Variants in PRUNE2 observed in about 807,000 individuals in gnomAD.
The protein encoded by PRUNE2 is protein prune homolog 2.
PRUNE2 carries 164 observed loss-of-function variants against 252.0 expected under a neutral mutation model. That is an observed-to-expected ratio of 0.65 (90% CI 0.57 to 0.74). PRUNE2 has a LOEUF of 0.74. Among genes scored for constraint, PRUNE2 ranks in the 30% least tolerant of loss-of-function variants. The pLI, the probability that PRUNE2 is intolerant of heterozygous loss-of-function variation, is 0.00. For missense variants in PRUNE2, 3,495 were observed against 3,711.0 expected (o/e 0.94, Z 1.51); for synonymous variants, 1,292 against 1,350.2 (o/e 0.96, Z 0.94).
At chr9:76,719,953 TA>T (rs1243768650) in intron 6 of PRUNE2, among the ~76,000 whole-genome samples, 1 of 152,186 alleles carries the variant, frequency 6.6e-6, no homozygotes, top group Non-Finnish European at 1.5e-5. Context: ...AGCCTAGAAA[TA>T]TATCCTAACG....
intron 16 of PRUNE2, among the ~76,000 whole-genome samples, chr9:76,625,965 G>T (rs2132182128): frequency 6.6e-6 from 1 of 152,254 alleles, no homozygotes; most frequent in Middle Eastern, 3.4e-3. Context: ...GAAAATATGT[G>T]TATTAGATAA....
chr9:76,879,874 C>T (rs2061663058), intron 1 of PRUNE2, among the ~76,000 whole-genome samples: 1 of 124,820 alleles, frequency 8.0e-6, no homozygotes, highest in African/African-American at 3.3e-5. Context: ...AGAAAGAGGC[C>T]TGTCATATAT....
intron 6 of PRUNE2, among the ~76,000 whole-genome samples, chr9:76,816,983 C>T (rs2057735314): frequency 6.6e-6 from 1 of 152,092 alleles, no homozygotes; most frequent in South Asian, 2.1e-4. Context: ...TATCAGGCAC[C>T]AATAATTAGC....
In PRUNE2 at chr9:76,781,821, G is replaced by A. The variant is rs115038994; in HGVS notation, c.756+41811C>T. Among the ~76,000 whole-genome samples, 763 of 152,304 alleles carry A rather than the reference G, an allele frequency of 5.0e-3. 4 individuals carry two copies. Among genetic ancestry groups the A allele is most frequent in the African/African-American group, 0.017 (725 of 41,570 alleles). On this transcript the variant is annotated intron_variant, in intron 6 of 18. Coordinates refer to ENST00000376718, the MANE Select transcript of PRUNE2 (RefSeq NM_015225.3). ...GTCTTGGTATTTCACCTTTCATCCT[G>A]CTGGACTCTAATTTCCTATAACCAA...
chr9:76,686,151 T>G (rs1394370093), intron 9 of PRUNE2, among the ~76,000 whole-genome samples: 1 of 152,274 alleles, frequency 6.6e-6, no homozygotes, highest in Non-Finnish European at 1.5e-5. Context: ...TTTCTATGTC[T>G]TCACTGTATA....
intron 9 of PRUNE2, among the ~76,000 whole-genome samples, chr9:76,701,732 T>A (rs552307526): frequency 6.6e-6 from 1 of 152,228 alleles, no homozygotes; most frequent in Non-Finnish European, 1.5e-5. Flanking sequence ...TGCACTTGGC[T>A]AATCCTCAAC....
Position 76,644,858 on chromosome 9 carries a change from T to A in PRUNE2, c.8609A>T (p.Tyr2870Phe), listed in dbSNP as rs1844142160. 1.9e-6 allele frequency: 3 copies of A among 1,613,924 alleles called. No homozygotes were observed. The South Asian group carries it at 3.3e-5, about 18-fold the overall frequency. ...GTCCTCCCGTTCCTCTTCGGCCGTA[T>A]ATTCTGGAATAGACTCTGACTCTTG... ...SGQESESIPE[Y>F]TAEEEREDNR... Residue 2870 changes from tyrosine to phenylalanine, a missense_variant, in exon 12 of 19, where the codon TAT (tyrosine) becomes TTT (phenylalanine). Coordinates refer to ENST00000376718, the MANE Select transcript of PRUNE2 (RefSeq NM_015225.3).
chr9:76,636,436 G>C, intron 15 of PRUNE2, 35 bp downstream of exon 15: 1 of 1,116,254 alleles, frequency 9.0e-7, no homozygotes, highest in Non-Finnish European at 1.3e-6. Flanking sequence ...AAAACTACTA[G>C]TAGTACTTTT....
chr9:76,866,789 C>T (rs983043731), intron 1 of PRUNE2, among the ~76,000 whole-genome samples: 4 of 150,278 alleles, frequency 2.7e-5, no homozygotes, highest in African/African-American at 9.8e-5. Context: ...AGAGAAAGAG[C>T]GAGAGAGAAT....
At chr9:76,889,234 G>C (rs2062306558) in intron 1 of PRUNE2, among the ~76,000 whole-genome samples, 1 of 152,134 alleles carries the variant, frequency 6.6e-6, no homozygotes. Flanking sequence ...AAAAGCATAA[G>C]GGATATGAAG....
chr9:76,785,842 T>C lies in PRUNE2; in HGVS notation c.756+37790A>G, dbSNP rs569301296. ...CATGTTTTCAAATGGCACTATGAGCTGCCAATGATGTATCACCACCATATC... is the reference window on the plus strand; with the variant it reads ...CATGTTTTCAAATGGCACTATGAGCCGCCAATGATGTATCACCACCATATC... On this transcript the variant is annotated intron_variant, in intron 6 of 18. Transcript: ENST00000376718. The C allele has an allele frequency of 6.6e-5, 10 of 152,260 alleles. No individual in the cohort carries two copies. In the East Asian group the frequency reaches 1.9e-3, roughly 29 times the overall value. The allele number at this position is 152,260 out of a possible 1,614,324, so 9.4% of individuals were successfully genotyped here.
chr9:76,627,625 C>T (rs1162820528), intron 16 of PRUNE2, among the ~76,000 whole-genome samples: 1 of 152,022 alleles, frequency 6.6e-6, no homozygotes, highest in African/African-American at 2.4e-5. Context: ...TGTGTTCACG[C>T]CCGATATTGC....
chr9:76,841,870 G>A (rs1473491100), intron 4 of PRUNE2, among the ~76,000 whole-genome samples: 1 of 152,176 alleles, frequency 6.6e-6, no homozygotes, highest in Non-Finnish European at 1.5e-5. Flanking sequence ...TGTGGGAGCA[G>A]CTTCAGCAGA....
chr9:76,641,658 A>G (rs1842641751), intron 12 of PRUNE2, among the ~76,000 whole-genome samples: 1 of 152,116 alleles, frequency 6.6e-6, no homozygotes, highest in Admixed American at 6.5e-5. Flanking sequence ...GGTTTTTAAA[A>G]CATTTCTTTC....
chr9:76,615,018 A>G, intron 18 of PRUNE2: 5 of 792,610 alleles, frequency 6.3e-6, no homozygotes, highest in Non-Finnish European at 7.7e-6. Flanking sequence ...AGCACTAAAT[A>G]GTAAGAAATG....
At chr9:76,683,632 T>C (rs917033871) in intron 9 of PRUNE2, among the ~76,000 whole-genome samples, 1 of 152,146 alleles carries the variant, frequency 6.6e-6, no homozygotes, top group African/African-American at 2.4e-5. Flanking sequence ...AACTCCCATA[T>C]AAAGGAAGTG....
chr9:76,837,244 C>A (rs191489144), intron 4 of PRUNE2, among the ~76,000 whole-genome samples: 39 of 152,084 alleles, frequency 2.6e-4, no homozygotes, highest in South Asian at 1.0e-3. Context: ...GCGATTGAGA[C>A]CATCCTGGCC....
intron 6 of PRUNE2, among the ~76,000 whole-genome samples, chr9:76,797,219 T>TTA (rs1229168412): frequency 6.6e-6 from 1 of 152,118 alleles, no homozygotes; most frequent in Non-Finnish European, 1.5e-5. Flanking sequence ...ATTTCATTAG[T>TTA]TATAGTTTCT....
rs200626250 is a variant in PRUNE2 at position 76,705,302 on chromosome 9, T to C, written c.6972A>G (p.Leu2324=). 113 of 1,614,036 alleles carry C rather than the reference T, an allele frequency of 7.0e-5. No individual in the cohort carries two copies. The East Asian group carries it at 2.5e-3, about 35-fold the overall frequency. ...CTGGCGTTTCCGGATGGCCTTCGGA[T>C]AATGTCAGTTTACTCATGTCATCTA... The part of the protein sequence containing the change: ...GTIDDMSKLT[L]SEGHPETPVD... The change falls in exon 8 of 19, where the codon TTA becomes TTG. Residue 2324 remains leucine (L), a synonymous_variant. Transcript: ENST00000376718.
Sources: gnomAD v4.1 joint callset for allele counts (sites outside exome capture counted in the v4.1 genomes callset) on GRCh38, gnomAD v4.1.1 for gene constraint, MANE v1.5 for transcripts, NCBI Gene and HGNC (gene_info 2026-07-23, HGNC 2026-07-21) for gene names.